EYS: variants seen among roughly 807,000 people sequenced by gnomAD.
EYS encodes the protein EGF-like photoreceptor maintenance factor, also known as protein eyes shut homolog.
EYS carries 250 observed loss-of-function variants against 282.1 expected under a neutral mutation model. That is an observed-to-expected ratio of 0.89 (90% CI 0.80 to 0.98). The LOEUF is 0.98. EYS is among the 50% of genes least tolerant of loss of function. The pLI, the probability that EYS is intolerant of heterozygous loss-of-function variation, is 0.00. For missense variants in EYS, 4,016 were observed against 3,709.0 expected (o/e 1.08, Z -2.15); for synonymous variants, 1,355 against 1,282.9 (o/e 1.06, Z -1.20).
chr6:64,022,479 T>C (rs190126478), intron 33 of EYS, among the ~76,000 whole-genome samples: 83 of 152,346 alleles, frequency 5.4e-4, no homozygotes, highest in Middle Eastern at 3.4e-3. Flanking sequence ...TATAATGTTA[T>C]GCAAATATCA....
chr6:65,086,540 G>C, intron 12 of EYS, among the ~76,000 whole-genome samples: 1 of 152,122 alleles, frequency 6.6e-6, no homozygotes, highest in East Asian at 1.9e-4. Context: ...AATGGAAGCA[G>C]AGATATTATT....
At chr6:64,805,923 A>G (rs1464708285) in intron 22 of EYS, among the ~76,000 whole-genome samples, 1 of 151,558 alleles carries the variant, frequency 6.6e-6, no homozygotes, top group Admixed American at 6.6e-5. Flanking sequence ...ATAGTTCAGG[A>G]GGTCATCAGA....
intron 42 of EYS, among the ~76,000 whole-genome samples, chr6:63,723,764 T>C (rs777987645): frequency 6.7e-6 from 1 of 150,284 alleles, no homozygotes; most frequent in South Asian, 2.1e-4. Flanking sequence ...GATGCTCTAG[T>C]TATGGGTCAT....
At chr6:63,756,760 CA>C (rs2149652133) in intron 41 of EYS, among the ~76,000 whole-genome samples, 1 of 152,218 alleles carries the variant, frequency 6.6e-6, no homozygotes, top group Non-Finnish European at 1.5e-5. Context: ...ATCAGTTCCC[CA>C]AATTAATATT....
At chr6:64,807,849 T>C (rs1022571900) in intron 22 of EYS, among the ~76,000 whole-genome samples, 2 of 152,116 alleles carry the variant, frequency 1.3e-5, no homozygotes, top group African/African-American at 4.8e-5. Context: ...TTTTATTTTA[T>C]TTCAGTATGC....
At chr6:65,620,475 C>T (rs915874551) in intron 2 of EYS, among the ~76,000 whole-genome samples, 4 of 151,334 alleles carry the variant, frequency 2.6e-5, no homozygotes, top group African/African-American at 7.3e-5. Context: ...AGCAGTCTCT[C>T]AATTTTGTTG....
intron 8 of EYS, among the ~76,000 whole-genome samples, chr6:65,372,480 GT>G (rs1562130520): frequency 6.6e-6 from 1 of 151,890 alleles, no homozygotes; most frequent in African/African-American, 2.4e-5. Context: ...CAATTATAAT[GT>G]GCATAATATC....
chr6:65,494,907 T>A lies in EYS; in HGVS notation c.504A>T (p.Thr168=), dbSNP rs1431760890. 1 of 1,614,128 alleles carries A rather than the reference T, an allele frequency of 6.2e-7. No homozygotes were observed. Among genetic ancestry groups the A allele is most frequent in the Non-Finnish European group, 8.5e-7 (1 of 1,179,980 alleles). ...ATTCCTGGCAGAACTGCTGTTTCACTGTCACATTTAGTCGAAGTCCCAGTG... is the reference window on the plus strand; with the variant it reads ...ATTCCTGGCAGAACTGCTGTTTCACAGTCACATTTAGTCGAAGTCCCAGTG... The part of the protein sequence containing the change: ...PCPLGLRLNV[T]VKQQFCQESL... The change falls in exon 4 of 43, where the codon ACA becomes ACT. Residue 168 remains threonine (T), a synonymous_variant. Coordinates refer to ENST00000503581, the MANE Select transcript of EYS (RefSeq NM_001142800.2).
chr6:65,074,194 C>T (rs913043481), intron 12 of EYS, among the ~76,000 whole-genome samples: 1 of 151,848 alleles, frequency 6.6e-6, no homozygotes, highest in African/African-American at 2.4e-5. Context: ...CAGGTAATTC[C>T]CTTTGAGACT....
chr6:65,365,418 C>G (rs1000522623), intron 8 of EYS, among the ~76,000 whole-genome samples: 1 of 151,602 alleles, frequency 6.6e-6, no homozygotes, highest in Non-Finnish European at 1.5e-5. Flanking sequence ...CTGTCTCCAT[C>G]TCCTGTATCT....
chr6:64,758,965 G>C (rs868349891), intron 22 of EYS, among the ~76,000 whole-genome samples: 3 of 151,822 alleles, frequency 2.0e-5, no homozygotes, highest in Non-Finnish European at 4.4e-5. Context: ...GGTGAAACCC[G>C]GTCTCTACTA....
intron 12 of EYS, among the ~76,000 whole-genome samples, chr6:65,097,473 A>G (rs990665141): frequency 2.0e-5 from 3 of 150,984 alleles, no homozygotes; most frequent in Non-Finnish European, 4.5e-5. Context: ...GTACTACCAC[A>G]TGATTCAGAA....
chr6:65,374,554 C>T (rs1245166118), intron 8 of EYS, among the ~76,000 whole-genome samples: 1 of 150,116 alleles, frequency 6.7e-6, no homozygotes, highest in Non-Finnish European at 1.5e-5. Context: ...TGAAAGAGAA[C>T]CATTTACTCC....
chr6:65,142,913 C>T (rs1764382579), intron 12 of EYS, among the ~76,000 whole-genome samples: 1 of 151,952 alleles, frequency 6.6e-6, no homozygotes, highest in South Asian at 2.1e-4. Context: ...ATGAATGAAG[C>T]AAATTAAGAC....
intron 22 of EYS, among the ~76,000 whole-genome samples, chr6:64,659,646 T>A (rs1169714681): frequency 1.3e-5 from 2 of 152,078 alleles, no homozygotes; most frequent in African/African-American, 4.8e-5. Context: ...AATAAATATA[T>A]AAATTCCTTG....
chr6:63,950,806 T>C (rs1224713581), intron 35 of EYS, among the ~76,000 whole-genome samples: 2 of 152,198 alleles, frequency 1.3e-5, no homozygotes, highest in Non-Finnish European at 2.9e-5. Flanking sequence ...CCTTTCAATC[T>C]TGGTGCCACC....
At position 64,676,635 on chromosome 6, in the gene EYS, A is replaced by G. The variant is rs150007441; in HGVS notation, c.3444-50390T>C. Among the ~76,000 whole-genome samples the G allele has an allele frequency of 1.0e-3, 158 of 152,276 alleles. 2 individuals carry two copies. The highest frequency in any genetic ancestry group is 3.5e-3 in the African/African-American group (144 of 41,572). The stretch of plus-strand genomic sequence containing the variant: ...GTTGTCTTAGTCTGTTTGGGCTGCT[A>G]TAGCAAAACACCATAGACTGGTAGC... On this transcript the variant is annotated intron_variant, in intron 22 of 42. Transcript: ENST00000503581.
intron 26 of EYS, among the ~76,000 whole-genome samples, chr6:64,533,985 G>T (rs893752510): frequency 6.6e-6 from 1 of 151,748 alleles, no homozygotes; most frequent in African/African-American, 2.4e-5. Context: ...ACTAATCTAT[G>T]GTATTAGAAA....
At chr6:65,374,765 C>G (rs981404760) in intron 8 of EYS, among the ~76,000 whole-genome samples, 5 of 151,810 alleles carry the variant, frequency 3.3e-5, no homozygotes, top group African/African-American at 1.2e-4. Flanking sequence ...TTCCCCTGAC[C>G]CTTCTAAAGA....
Sources: gnomAD v4.1 joint callset for allele counts (sites outside exome capture counted in the v4.1 genomes callset) on GRCh38, gnomAD v4.1.1 for gene constraint, MANE v1.5 for transcripts, NCBI Gene and HGNC (gene_info 2026-07-23, HGNC 2026-07-21) for gene names.